The following LITAF variants were observed in gnomAD, a reference collection of about 807,000 sequenced individuals.
LITAF encodes the protein lipopolysaccharide-induced tumor necrosis factor-alpha factor.
LITAF carries 9 observed loss-of-function variants against 14.5 expected under a neutral mutation model. The observed-to-expected ratio is 0.62, with a 90% confidence interval of 0.37 to 1.08. The LOEUF is 1.08. LITAF is among the 50% of genes least tolerant of loss of function. The pLI is 0.01. For synonymous variants in LITAF, 98 were observed against 88.2 expected, an observed-to-expected ratio of 1.11 and a Z score of -0.62; for missense variants, 206 against 213.4, an observed-to-expected ratio of 0.97 and a Z score of 0.22.
intron 3 of LITAF, among the ~76,000 whole-genome samples, chr16:11,611,186 A>AT (rs34468227): frequency 3.9e-4 from 59 of 151,676 alleles, no homozygotes; most frequent in East Asian, 2.5e-3. Context: ...AAAAAAAAAA[A>AT]TTTTTAATTA....
chr16:11,627,011 C>G (rs1233872017), intron 3 of LITAF, among the ~76,000 whole-genome samples: 1 of 152,016 alleles, frequency 6.6e-6, no homozygotes, highest in Non-Finnish European at 1.5e-5. Context: ...CCTGGCTAAA[C>G]AAGCTTCTTC....
chr16:11,639,867 T>C (rs892923992), upstream of LITAF, among the ~76,000 whole-genome samples: 1 of 152,080 alleles, frequency 6.6e-6, no homozygotes, highest in South Asian at 2.1e-4. Flanking sequence ...CTCTGCCTCC[T>C]AAGCTCAAGA....
intron 3 of LITAF, among the ~76,000 whole-genome samples, chr16:11,608,757 G>C (rs950919701): frequency 1.3e-5 from 2 of 152,154 alleles, no homozygotes; most frequent in Non-Finnish European, 2.9e-5. Context: ...GAGATCAGGA[G>C]TTCGAGACCA....
In LITAF at chr16:11,577,468, C is replaced by T. The variant is rs537403847; in HGVS notation, c.-6+9418G>A. Reference sequence around the variant, plus strand: ...GAGTAGCCGAGATTACAGGCACCCACCACCACGCCCGGCTAGTTTTTGTAC... The same window carrying T: ...GAGTAGCCGAGATTACAGGCACCCATCACCACGCCCGGCTAGTTTTTGTAC... On this transcript the variant is annotated intron_variant, in intron 1 of 3. Coordinates refer to ENST00000622633, the MANE Select transcript of LITAF (RefSeq NM_001136472.2). Among the ~76,000 whole-genome samples the T allele has an allele frequency of 3.0e-4, 46 of 151,996 alleles. 1 individual carries two copies. The highest frequency in any genetic ancestry group is 4.4e-4 in the Non-Finnish European group (30 of 67,976).
intron 1 of LITAF, among the ~76,000 whole-genome samples, chr16:11,582,489 T>C (rs1175508019): frequency 6.6e-6 from 1 of 152,144 alleles, no homozygotes; most frequent in Non-Finnish European, 1.5e-5. Flanking sequence ...GCTTTTTAAC[T>C]ACCAACTTAA....
chr16:11,561,731 G>A (rs1444790374), intron 1 of LITAF, among the ~76,000 whole-genome samples: 4 of 151,912 alleles, frequency 2.6e-5, no homozygotes, highest in African/African-American at 9.7e-5. Context: ...CTTGTTTTGC[G>A]CCTTCATTTC....
In LITAF at chr16:11,584,858, A is replaced by T. The variant is rs1251269022; in HGVS notation, c.-6+2028T>A. 2.6e-5 allele frequency among the ~76,000 whole-genome samples: 4 copies of T among 152,198 alleles called. No individual in the cohort carries two copies. In the East Asian group the frequency reaches 7.7e-4, roughly 29 times the overall value. On this transcript the variant is annotated intron_variant, in intron 1 of 3. Transcript: ENST00000622633. ...GCCCATAAAAGGAACGGAAGTAACA[A>T]AGGGAAATGTATTCCCCAAAGACAG... is the stretch of plus-strand genomic sequence containing the variant.
intron 3 of LITAF, among the ~76,000 whole-genome samples, chr16:11,614,448 C>T (rs1366853769): frequency 2.0e-5 from 3 of 151,802 alleles, no homozygotes; most frequent in Admixed American, 2.0e-4. Flanking sequence ...TATAGGCACA[C>T]ACCACCAGGC....
intron 3 of LITAF, among the ~76,000 whole-genome samples, chr16:11,633,050 G>A (rs1032027887): frequency 1.3e-5 from 2 of 152,152 alleles, no homozygotes; most frequent in African/African-American, 4.8e-5. Context: ...CCTGGGAAAG[G>A]AGGTCTCTCT....
At chr16:11,607,882 T>C (rs1294170662) in intron 3 of LITAF, among the ~76,000 whole-genome samples, 3 of 152,142 alleles carry the variant, frequency 2.0e-5, no homozygotes, top group South Asian at 2.1e-4. Flanking sequence ...CCCCACATCA[T>C]GGCATCCAAA....
chr16:11,566,837 A>C (rs960073553), intron 1 of LITAF, among the ~76,000 whole-genome samples: 1 of 152,122 alleles, frequency 6.6e-6, no homozygotes, highest in Non-Finnish European at 1.5e-5. Context: ...AAACAGCAGG[A>C]AGGGCTTACT....
At chr16:11,618,090 G>C (rs2065028981) in intron 3 of LITAF, among the ~76,000 whole-genome samples, 1 of 152,080 alleles carries the variant, frequency 6.6e-6, no homozygotes, top group Admixed American at 6.6e-5. Flanking sequence ...TGCCCAAGCT[G>C]GTCTCAAACT....
intron 3 of LITAF, among the ~76,000 whole-genome samples, chr16:11,608,771 T>G (rs1414043785): frequency 6.6e-6 from 1 of 152,156 alleles, no homozygotes; most frequent in Non-Finnish European, 1.5e-5. Context: ...GAGACCAGCC[T>G]GGCCAACATG....
chr16:11,602,715 C>T (rs918516630), upstream of LITAF, among the ~76,000 whole-genome samples: 17 of 148,322 alleles, frequency 1.1e-4, no homozygotes, highest in Non-Finnish European at 2.4e-4. Flanking sequence ...TACGAGTGCC[C>T]GTGTGTACCA....
intron 3 of LITAF, among the ~76,000 whole-genome samples, chr16:11,627,830 C>T (rs1325717649): frequency 6.6e-6 from 1 of 151,902 alleles, no homozygotes; most frequent in African/African-American, 2.4e-5. Flanking sequence ...GGTAACAGAG[C>T]AAGACTCAAT....
At chr16:11,628,562 G>A (rs140612876) in intron 3 of LITAF, among the ~76,000 whole-genome samples, 105 of 152,274 alleles carry the variant, frequency 6.9e-4, no homozygotes, top group African/African-American at 2.4e-3. Flanking sequence ...GGAGTGCAGT[G>A]GCACGATCAT....
chr16:11,578,945 C>G (rs12447658), intron 1 of LITAF, among the ~76,000 whole-genome samples: 2 of 152,002 alleles, frequency 1.3e-5, no homozygotes, highest in Non-Finnish European at 2.9e-5. Context: ...TCCCAGCACT[C>G]TGGGAGGCCG....
intron 1 of LITAF, among the ~76,000 whole-genome samples, chr16:11,563,458 T>C (rs1283506449): frequency 6.6e-6 from 1 of 152,032 alleles, no homozygotes; most frequent in Non-Finnish European, 1.5e-5. Flanking sequence ...CCAGAAATTA[T>C]TAAAAACCAG....
intron 1 of LITAF, among the ~76,000 whole-genome samples, chr16:11,594,755 A>C (rs1169731943): frequency 6.6e-6 from 1 of 152,078 alleles, no homozygotes; most frequent in African/African-American, 2.4e-5. Context: ...TCGTGCCTGT[A>C]ATCCCAGCTT....
Sources: allele counts gnomAD v4.1 joint callset (sites outside exome capture counted in the v4.1 genomes callset), GRCh38; gene constraint gnomAD v4.1.1; transcripts MANE v1.5; gene names NCBI Gene and HGNC (gene_info 2026-07-23, HGNC 2026-07-21).